TPM4: variants seen among roughly 807,000 people sequenced by gnomAD.
TPM4 encodes the protein tropomyosin 4, also known as tropomyosin alpha-4 chain.
In TPM4, 17 loss-of-function variants were observed where a neutral mutation model predicts 35.8. The ratio of observed to expected loss-of-function variants is 0.47; its 90% CI spans 0.32 to 0.71. The LOEUF (loss-of-function observed/expected upper bound fraction) is 0.71, where lower values mean the gene tolerates loss of function less well. TPM4 is among the 30% of genes least tolerant of loss of function. The pLI, the probability that TPM4 is intolerant of heterozygous loss-of-function variation, is 0.03. For missense variants in TPM4, 240 were observed against 320.9 expected, an observed-to-expected ratio of 0.75 and a Z score of 1.93; for synonymous variants, 120 against 122.9, an observed-to-expected ratio of 0.98 and a Z score of 0.15.
chr19:16,076,817 C>G, intron 1 of TPM4, 120 bp downstream of exon 1: 1 of 1,260,708 alleles, frequency 7.9e-7, no homozygotes, highest in Non-Finnish European at 1.0e-6. Flanking sequence ...TTTACGCCCT[C>G]GGACGCCGAT....
At chr19:16,082,076 G>T in intron 2 of TPM4, 30 bp downstream of exon 2, 1 of 1,581,460 alleles carries the variant, frequency 6.3e-7, no homozygotes, top group South Asian at 1.1e-5. Context: ...GGTGGCATCC[G>T]TGTTTGCTTT....
At chr19:16,088,478 G>T in intron 4 of TPM4, 1 of 1,077,324 alleles carries the variant, frequency 9.3e-7, no homozygotes, top group Non-Finnish European at 1.1e-6. Flanking sequence ...TTTTGCTCCT[G>T]TCAGTGTTTG....
chr19:16,069,947 C>T (rs1308400583), intron 2 of TPM4, among the ~76,000 whole-genome samples: 1 of 151,520 alleles, frequency 6.6e-6, no homozygotes, highest in Non-Finnish European at 1.5e-5. Context: ...GTGACAGAAG[C>T]CCGCTGTCTC....
chr19:16,087,890 A>G, intron 3 of TPM4, 137 bp from the exon 4 acceptor site: 2 of 916,844 alleles, frequency 2.2e-6, no homozygotes, highest in Non-Finnish European at 3.4e-6. Context: ...CCCTGCAAAA[A>G]AAAGAAACAC....
rs535782808 is a variant in TPM4, at chr19:16,081,996, G to C, written c.216G>C (p.Thr72=). The C allele has an allele frequency of 5.0e-6, 8 of 1,610,504 alleles. No homozygotes were observed. The highest frequency in any genetic ancestry group is 1.7e-4 in the Middle Eastern group (1 of 6,034). The change falls in exon 2 of 8, where the codon ACG becomes ACC. Residue 72 remains threonine (T), a synonymous_variant. Coordinates refer to ENST00000643579, the MANE Select transcript of TPM4 (RefSeq NM_003290.3). Reference sequence around the variant, plus strand: ...ACAGGGCTCAGGAACGACTGGCCACGGCCCTGCAGAAGCTGGAGGAGGCAG... The same window carrying C: ...ACAGGGCTCAGGAACGACTGGCCACCGCCCTGCAGAAGCTGGAGGAGGCAG... ...ELDRAQERLA[T]ALQKLEEAEK...
intron 1 of TPM4, chr19:16,081,093 A>T (rs1220614586): frequency 2.5e-6 from 1 of 398,404 alleles, no homozygotes; most frequent in Admixed American, 4.4e-5. Flanking sequence ...CATGGCCAAC[A>T]TTTAACTGAG....
chr19:16,086,968 G>C lies in TPM4; in HGVS notation c.384+428G>C, dbSNP rs528197029. Among the ~76,000 whole-genome samples, 469 of 152,198 alleles carry C rather than the reference G, an allele frequency of 3.1e-3. 2 individuals carry two copies. Among genetic ancestry groups the C allele is most frequent in the African/African-American group, 0.01 (428 of 41,528 alleles). ...GAATCAGGATTTCCTCCAGGCCCCA[G>C]GATGGCTCTTTCAGTTGAAGCGCCA... On this transcript the variant is annotated intron_variant, in intron 3 of 7. Coordinates refer to ENST00000643579, the MANE Select transcript of TPM4 (RefSeq NM_003290.3).
At chr19:16,078,507 C>G (rs1337778863) in intron 1 of TPM4, among the ~76,000 whole-genome samples, 2 of 152,200 alleles carry the variant, frequency 1.3e-5, no homozygotes, top group African/African-American at 4.8e-5. Context: ...GCTGCTTTGG[C>G]CCAAGAGGCC....
intron 1 of TPM4, 55 bp from the exon 2 acceptor site, chr19:16,081,854 GCTCC>G (rs1353217385): frequency 2.0e-6 from 3 of 1,509,128 alleles, no homozygotes; most frequent in African/African-American, 2.7e-5. Flanking sequence ...CATGGGGGAG[GCTCC>G]CACTGGTGGC....
chr19:16,076,502 T>A lies in TPM4; in HGVS notation c.-64T>A. ...GGGGGCCGGGGCGCGGCTGTGCAGC[T>A]CTCGCCGGAGCCGAGCCCAGCCGAG... is the stretch of plus-strand genomic sequence containing the variant. On this transcript the variant is annotated 5_prime_UTR_variant, in exon 1 of 8. Transcript: ENST00000643579. 7.4e-7 allele frequency: 1 copy of A among 1,358,926 alleles called. No homozygotes were observed. The highest frequency in any genetic ancestry group is 9.4e-7 in the Non-Finnish European group (1 of 1,063,044). 84.2% of individuals were successfully genotyped at this position (1,358,926 alleles called of 1,614,324 possible).
chr19:16,094,788 T>C (rs2090673812), intron 7 of TPM4, among the ~76,000 whole-genome samples: 1 of 152,148 alleles, frequency 6.6e-6, no homozygotes, highest in East Asian at 1.9e-4. Flanking sequence ...GCCTCAGAAA[T>C]TCCAGAATCT....
intron 4 of TPM4, 196 bp from the exon 5 acceptor site, chr19:16,088,849 G>A (rs1202561591): frequency 7.2e-7 from 1 of 1,383,440 alleles, no homozygotes; most frequent in African/African-American, 1.5e-5. Flanking sequence ...GCCTCTGCCT[G>A]GTATGATAAG....
chr19:16,098,093 T>C (rs2090720850), intron 7 of TPM4, among the ~76,000 whole-genome samples: 1 of 152,178 alleles, frequency 6.6e-6, no homozygotes, highest in Non-Finnish European at 1.5e-5. Flanking sequence ...GAAGTAACTA[T>C]GCAGCCTGTC....
chr19:16,067,674 A>G lies in TPM4; in HGVS notation c.50A>G (p.Asn17Ser), dbSNP rs907984404. The change falls in exon 2 of 3, where the codon AAT (asparagine) becomes AGT (serine). Residue 17 changes from asparagine (N) to serine (S), a missense_variant. By Grantham distance (46) the Asn-to-Ser change is conservative. Transcript: ENST00000589897. The surrounding 1 kb of genome is among the most constrained non-coding windows in gnomAD (Gnocchi z 4.1). ...CAGATGCTGAAGTTGGACAAGGAGA[A>G]TGCCATCGACCGCGCGGAGCAGGCG... 2.5e-6 allele frequency: 4 copies of G among 1,613,608 alleles called. No homozygotes were observed. The Admixed American group carries it at 6.7e-5, about 27-fold the overall frequency.
At chr19:16,086,561 G>A in intron 3 of TPM4, 21 bp downstream of exon 3, 3 of 1,597,512 alleles carry the variant, frequency 1.9e-6, no homozygotes, top group South Asian at 2.2e-5. Flanking sequence ...CTGGCAGATG[G>A]CGCAGCAGCA....
At chr19:16,098,540 A>G (rs2090727919) in intron 7 of TPM4, among the ~76,000 whole-genome samples, 1 of 152,222 alleles carries the variant, frequency 6.6e-6, no homozygotes, top group South Asian at 2.1e-4. Context: ...TCTCAAGGGC[A>G]GTTAACACTT....
At chr19:16,068,196 G>C (rs573474280) in intron 2 of TPM4, among the ~76,000 whole-genome samples, 1 of 151,334 alleles carries the variant, frequency 6.6e-6, no homozygotes, top group South Asian at 2.1e-4. Flanking sequence ...GTGTGTGTTT[G>C]AGACAGAGTC....
At chr19:16,089,798 C>G (rs2090603403) in intron 5 of TPM4, among the ~76,000 whole-genome samples, 1 of 151,510 alleles carries the variant, frequency 6.6e-6, no homozygotes, top group Non-Finnish European at 1.5e-5. Context: ...CCACCACCTG[C>G]TATTCACTCA....
upstream of TPM4, chr19:16,076,252 G>A (rs1223721091): frequency 6.5e-7 from 1 of 1,541,070 alleles, no homozygotes; most frequent in Non-Finnish European, 8.7e-7. Flanking sequence ...GAGCCGCAGG[G>A]GGAGGAGGAA....
Sources: gnomAD v4.1 joint callset for allele counts (sites outside exome capture counted in the v4.1 genomes callset) on GRCh38, gnomAD v4.1.1 for gene constraint, Gnocchi (gnomAD v3.1) non-coding constraint, MANE v1.5 for transcripts, NCBI Gene and HGNC (gene_info 2026-07-23, HGNC 2026-07-21) for gene names.